The following FHDC1 variants were observed in gnomAD, a reference collection of about 807,000 sequenced individuals.
The protein encoded by FHDC1 is FH2 domain-containing protein 1.
In FHDC1, 25 loss-of-function variants were observed where a neutral mutation model predicts 52.6. That is an observed-to-expected ratio of 0.48 (90% CI 0.35 to 0.66). The LOEUF (loss-of-function observed/expected upper bound fraction) is 0.66, where lower values mean the gene tolerates loss of function less well. Ranked by LOEUF, FHDC1 falls within the 30% of genes least tolerant of loss-of-function variation. The probability of loss-of-function intolerance (pLI) is 0.01; values close to 1 mark genes in which losing one functional copy is unlikely to be tolerated. For missense variants in FHDC1, 1,459 were observed against 1,452.8 expected (o/e 1.00, Z -0.07); for synonymous variants, 616 against 581.5 (o/e 1.06, Z -0.85).
At chr4:152,948,610 G>A (rs1490228589) in intron 2 of FHDC1, among the ~76,000 whole-genome samples, 3 of 151,916 alleles carry the variant, frequency 2.0e-5, no homozygotes, top group African/African-American at 4.8e-5. Flanking sequence ...ATACCACCAC[G>A]CCCAGCTAAT....
chr4:152,939,635 C>T (rs1197285391), intron 1 of FHDC1, among the ~76,000 whole-genome samples: 1 of 152,162 alleles, frequency 6.6e-6, no homozygotes, highest in Non-Finnish European at 1.5e-5. Flanking sequence ...TTGAAAGATG[C>T]TCAACTGAGC....
Position 152,976,908 on chromosome 4 carries a change from C to A in FHDC1, c.*185C>A. The A allele has an allele frequency of 1.5e-6, 1 of 668,236 alleles. No homozygotes were observed. Among genetic ancestry groups the A allele is most frequent in the Non-Finnish European group, 2.3e-6 (1 of 441,978 alleles). The allele number at this position is 668,236 out of a possible 1,614,324, so 41.4% of individuals were successfully genotyped here. A position where few individuals can be genotyped will look rare whatever the true frequency, so the allele number is the denominator to read the frequency against. ...GGACTGCAGCCTGCTGTGCTGAGCC[C>A]TGCTGCAGTCCAGCGTCCAGATGGA... On this transcript the variant is annotated 3_prime_UTR_variant, in exon 12 of 12. Coordinates refer to ENST00000511601, the MANE Select transcript of FHDC1 (RefSeq NM_001371116.1).
intron 1 of FHDC1, among the ~76,000 whole-genome samples, chr4:152,941,961 GAA>G (rs1172795173): frequency 6.6e-6 from 1 of 152,152 alleles, no homozygotes; most frequent in Non-Finnish European, 1.5e-5. Context: ...CGTATCTGAA[GAA>G]ATTTAGTAGT....
At chr4:152,925,890 GGAGGAGGGAGAA>G in the FHDC1 span, among the ~76,000 whole-genome samples, 41 of 144,702 alleles carry the variant, frequency 2.8e-4, no homozygotes, top group Non-Finnish European at 4.5e-4. Flanking sequence ...AGGAGGAGGA[GGAGGAGGGAGAA>G]GGAGAAGGAG....
chr4:152,935,395 C>T (rs545213035), upstream of FHDC1, among the ~76,000 whole-genome samples: 1 of 151,994 alleles, frequency 6.6e-6, no homozygotes, highest in Non-Finnish European at 1.5e-5. Flanking sequence ...TTCGGTCAGC[C>T]GGTTTGCCCG....
chr4:152,921,651 A>C, the FHDC1 span, among the ~76,000 whole-genome samples: 1 of 138,962 alleles, frequency 7.2e-6, no homozygotes, highest in South Asian at 2.2e-4. Context: ...CCAATAACTC[A>C]GAGTTTAGCT....
the FHDC1 span, among the ~76,000 whole-genome samples, chr4:152,914,196 A>G: frequency 1.3e-5 from 2 of 152,190 alleles, no homozygotes; most frequent in Non-Finnish European, 2.9e-5. Flanking sequence ...AAAATAGGAC[A>G]ATGCAAACAA....
At position 152,979,173 on chromosome 4, in the gene FHDC1, CTT is replaced by C. The variant is rs907980037; in HGVS notation, c.*2452_*2453del. 1.3e-5 allele frequency: 2 copies of C among 152,184 alleles called. No individual in the cohort carries two copies. The highest frequency in any genetic ancestry group is 2.4e-5 in the African/African-American group (1 of 41,430). The allele number at this position is 152,184 out of a possible 1,614,324, so 9.4% of individuals were successfully genotyped here. A position where few individuals can be genotyped will look rare whatever the true frequency, so the allele number is the denominator to read the frequency against. The stretch of plus-strand genomic sequence containing the variant: ...TTCCTCTATCATGGATGCTGGGTGA[CTT>C]TGGGAAGTCACCACCTCTTCCCAAG... On this transcript the variant is annotated 3_prime_UTR_variant, in exon 12 of 12. Transcript: ENST00000511601.
At chr4:152,918,869 A>G in the FHDC1 span, among the ~76,000 whole-genome samples, 5 of 152,256 alleles carry the variant, frequency 3.3e-5, no homozygotes, top group Admixed American at 3.3e-4. Flanking sequence ...ATGTAAGTTT[A>G]AATGGTCATG....
At chr4:152,953,770 C>T (rs1579089507) in intron 3 of FHDC1, among the ~76,000 whole-genome samples, 1 of 152,322 alleles carries the variant, frequency 6.6e-6, no homozygotes, top group East Asian at 1.9e-4. Flanking sequence ...GAGAATTGCC[C>T]CAGGGCATCC....
the FHDC1 span, among the ~76,000 whole-genome samples, chr4:152,924,975 C>T: frequency 2.3e-4 from 34 of 150,036 alleles, no homozygotes; most frequent in African/African-American, 8.1e-4. Flanking sequence ...CTAACCTGCA[C>T]ATTGTGCACA....
chr4:152,934,982 A>G (rs1739323112), upstream of FHDC1, among the ~76,000 whole-genome samples: 1 of 152,246 alleles, frequency 6.6e-6, no homozygotes, highest in Non-Finnish European at 1.5e-5. Flanking sequence ...GAGCCTGAAC[A>G]GTCAATATTC....
At chr4:152,911,536 G>T in the FHDC1 span, 1 of 152,502 alleles carries the variant, frequency 6.6e-6, no homozygotes, top group African/African-American at 2.4e-5. Flanking sequence ...TCAATGTAAA[G>T]CTCTTTTAGT....
At chr4:152,935,579 T>C (rs1443702293), upstream of FHDC1, among the ~76,000 whole-genome samples, 1 of 152,226 alleles carries the variant, frequency 6.6e-6, no homozygotes, top group African/African-American at 2.4e-5. Flanking sequence ...TTTTTACGCT[T>C]TAATACAACC....
chr4:152,962,181 G>T (rs1404330094), intron 6 of FHDC1, among the ~76,000 whole-genome samples: 2 of 152,004 alleles, frequency 1.3e-5, no homozygotes, highest in African/African-American at 4.8e-5. Flanking sequence ...TGTTAATAAA[G>T]AACTAGTTTA....
chr4:152,946,756 TATC>T (rs1252581552), intron 2 of FHDC1, among the ~76,000 whole-genome samples: 1 of 152,122 alleles, frequency 6.6e-6, no homozygotes, highest in African/African-American at 2.4e-5. Context: ...ACCCTTGAAA[TATC>T]ATAACCTCCT....
chr4:152,914,081 A>G, the FHDC1 span, among the ~76,000 whole-genome samples: 1 of 152,224 alleles, frequency 6.6e-6, no homozygotes, highest in Non-Finnish European at 1.5e-5. Flanking sequence ...TCCAGTTGTA[A>G]GTAGGCTATT....
At chr4:152,951,610 C>T (rs920479542) in intron 2 of FHDC1, among the ~76,000 whole-genome samples, 3 of 152,156 alleles carry the variant, frequency 2.0e-5, no homozygotes, top group East Asian at 1.9e-4. Flanking sequence ...TTAACAGTCT[C>T]GCTGCTGGTT....
chr4:152,922,144 A>G, the FHDC1 span, among the ~76,000 whole-genome samples: 1 of 152,362 alleles, frequency 6.6e-6, no homozygotes, highest in East Asian at 1.9e-4. Flanking sequence ...AGAAGAATCA[A>G]ATAGACACAA....
Sources: gnomAD v4.1 joint callset for allele counts (sites outside exome capture counted in the v4.1 genomes callset) on GRCh38, gnomAD v4.1.1 for gene constraint, MANE v1.5 for transcripts, NCBI Gene and HGNC (gene_info 2026-07-23, HGNC 2026-07-21) for gene names.